ITPR2: variants seen among roughly 807,000 people sequenced by gnomAD.
ITPR2 encodes inositol 1,4,5-trisphosphate-gated calcium channel ITPR2.
Under a neutral mutation model 317.1 loss-of-function variants are expected in ITPR2, and 207 were observed. The ratio of observed to expected loss-of-function variants is 0.65; its 90% CI spans 0.58 to 0.73. ITPR2 has a LOEUF of 0.73. Among genes scored for constraint, ITPR2 ranks in the 30% least tolerant of loss-of-function variants. The pLI is 0.00. For missense variants in ITPR2, 2,613 were observed against 3,284.0 expected, an observed-to-expected ratio of 0.80 and a Z score of 4.99; for synonymous variants, 1,156 against 1,149.1, an observed-to-expected ratio of 1.01 and a Z score of -0.12.
chr12:26,775,959 T>TATATACATACATATATATATATATATATA (rs1263788006), intron 2 of ITPR2, among the ~76,000 whole-genome samples: 4 of 145,084 alleles, frequency 2.8e-5, no homozygotes, highest in Non-Finnish European at 6.1e-5. Flanking sequence ...TATATGTATA[T>TATATACATACATATATATATATATATATA]CCTATTAGTT....
chr12:26,665,036 T>G (rs75219097), intron 14 of ITPR2, among the ~76,000 whole-genome samples: 1 of 152,156 alleles, frequency 6.6e-6, no homozygotes. Context: ...TAGCAATTAA[T>G]AGAATAAAAA....
At chr12:26,724,909 CCAT>C (rs1414000263) in intron 3 of ITPR2, among the ~76,000 whole-genome samples, 167 bp from the exon 4 acceptor site, 1 of 152,044 alleles carries the variant, frequency 6.6e-6, no homozygotes. Flanking sequence ...CTTTATGTTT[CCAT>C]CATATCATAT....
Position 26,483,992 on chromosome 12 carries a change from C to T in ITPR2, c.5812-94G>A. 6 of 1,086,882 alleles carry T rather than the reference C, an allele frequency of 5.5e-6. No homozygotes were observed. The South Asian group carries it at 7.4e-5, about 13-fold the overall frequency. 67.3% of individuals were successfully genotyped at this position (1,086,882 alleles called of 1,614,324 possible). On this transcript the variant is annotated intron_variant, in intron 41 of 56. Transcript: ENST00000381340. Reference sequence around the variant, plus strand: ...CCATATGTGTGCTTTTCTAACTTTTCTTTGTAAGAAAAGTATTCGCATTTA... The same window carrying T: ...CCATATGTGTGCTTTTCTAACTTTTTTTTGTAAGAAAAGTATTCGCATTTA...
At chr12:26,792,301 G>C (rs539411820) in intron 1 of ITPR2, among the ~76,000 whole-genome samples, 1 of 151,844 alleles carries the variant, frequency 6.6e-6, no homozygotes, top group East Asian at 1.9e-4. Flanking sequence ...GGAAGGAAAC[G>C]ACAAGAAGAA....
chr12:26,822,073 C>T (rs1163836802), intron 1 of ITPR2, among the ~76,000 whole-genome samples: 2 of 152,146 alleles, frequency 1.3e-5, no homozygotes, highest in Admixed American at 6.5e-5. Context: ...CATAATTAGT[C>T]ATTACAGGAT....
chr12:26,775,933 C>CATATATATATATATATATATATATATAT, intron 2 of ITPR2, among the ~76,000 whole-genome samples: 18 of 85,438 alleles, frequency 2.1e-4, no homozygotes, highest in African/African-American at 4.7e-4. Context: ...CTCCCCTTTA[C>CATATATATATATATATATATATATATAT]ATATATATAT....
chr12:26,391,381 A>C (rs1017424881), intron 54 of ITPR2, among the ~76,000 whole-genome samples: 6 of 152,208 alleles, frequency 3.9e-5, no homozygotes, highest in African/African-American at 1.4e-4. Context: ...GAAAAGCCAG[A>C]GATGAAGGTA....
intron 2 of ITPR2, among the ~76,000 whole-genome samples, chr12:26,787,703 T>G (rs944059641): frequency 1.3e-5 from 2 of 152,146 alleles, no homozygotes; most frequent in Non-Finnish European, 2.9e-5. Flanking sequence ...AAACCAAGTT[T>G]TATCACATGA....
At chr12:26,406,914 A>T (rs1940372627) in intron 52 of ITPR2, among the ~76,000 whole-genome samples, 1 of 152,216 alleles carries the variant, frequency 6.6e-6, no homozygotes. Flanking sequence ...AGATTAATAC[A>T]GGCATTCCTG....
At chr12:26,671,066 C>T (rs1201437016) in intron 13 of ITPR2, among the ~76,000 whole-genome samples, 7 of 151,968 alleles carry the variant, frequency 4.6e-5, no homozygotes, top group South Asian at 4.2e-4. Context: ...ACCAAATCTA[C>T]GTCTGATTGG....
chr12:26,364,008 G>T (rs1051342826), intron 55 of ITPR2, among the ~76,000 whole-genome samples: 12 of 152,168 alleles, frequency 7.9e-5, no homozygotes, highest in African/African-American at 2.9e-4. Context: ...CAAATGGGGT[G>T]GAATGAGGCT....
At chr12:26,530,750 T>A (rs926219140) in intron 37 of ITPR2, among the ~76,000 whole-genome samples, 1 of 152,170 alleles carries the variant, frequency 6.6e-6, no homozygotes, top group Non-Finnish European at 1.5e-5. Context: ...CTGTAGTATA[T>A]CTACATAGGA....
chr12:26,494,043 T>A, intron 39 of ITPR2, 110 bp downstream of exon 39: 9 of 681,100 alleles, frequency 1.3e-5, no homozygotes, highest in Non-Finnish European at 2.0e-5. Context: ...TTTTTTTTTT[T>A]AGATAGTAAT....
At chr12:26,491,711 G>A (rs1942811380) in intron 39 of ITPR2, among the ~76,000 whole-genome samples, 1 of 152,100 alleles carries the variant, frequency 6.6e-6, no homozygotes, top group Non-Finnish European at 1.5e-5. Flanking sequence ...GGTCATCAGT[G>A]GGATGTTCAG....
Position 26,589,774 on chromosome 12 carries a change from G to A in ITPR2, c.4380+5691C>T, listed in dbSNP as rs897286923. Reference sequence around the variant, plus strand: ...TGCACTCCAGCCTGAGTGAAAGAACGAAACTCTGTTTCAAAAAAAAAAATA... The same window carrying A: ...TGCACTCCAGCCTGAGTGAAAGAACAAAACTCTGTTTCAAAAAAAAAAATA... On this transcript the variant is annotated intron_variant, in intron 32 of 56. Coordinates refer to ENST00000381340, the MANE Select transcript of ITPR2 (RefSeq NM_002223.4). Among the ~76,000 whole-genome samples the A allele has an allele frequency of 6.4e-4, 75 of 116,308 alleles. 1 individual carries two copies. Among genetic ancestry groups the A allele is most frequent in the South Asian group, 1.5e-3 (5 of 3,274 alleles). 76.3% of individuals were successfully genotyped at this position (116,308 alleles called of 152,430 possible).
chr12:26,462,530 T>A (rs1303713263), intron 45 of ITPR2, among the ~76,000 whole-genome samples: 3 of 152,144 alleles, frequency 2.0e-5, no homozygotes, highest in African/African-American at 7.2e-5. Context: ...ACTATTTTCA[T>A]ACATCACTTT....
intron 2 of ITPR2, among the ~76,000 whole-genome samples, chr12:26,756,462 T>C (rs1489943618): frequency 6.6e-6 from 1 of 152,264 alleles, no homozygotes; most frequent in African/African-American, 2.4e-5. Flanking sequence ...TTTCTTGAGA[T>C]ATTTTTACTT....
At chr12:26,721,228 C>A in intron 5 of ITPR2, 5 of 457,400 alleles carry the variant, frequency 1.1e-5, no homozygotes, top group Admixed American at 3.9e-5. Context: ...GAAATCCAAC[C>A]AACACAAGAC....
intron 45 of ITPR2, among the ~76,000 whole-genome samples, chr12:26,444,992 T>A (rs921204896): frequency 5.9e-5 from 9 of 152,278 alleles, no homozygotes; most frequent in African/African-American, 2.2e-4. Flanking sequence ...ATGAAACTTG[T>A]TGTGACTTAC....
Sources: allele counts gnomAD v4.1 joint callset (sites outside exome capture counted in the v4.1 genomes callset), GRCh38; gene constraint gnomAD v4.1.1; transcripts MANE v1.5; gene names NCBI Gene and HGNC (gene_info 2026-07-23, HGNC 2026-07-21).